DAAM2: variants seen among roughly 807,000 people sequenced by gnomAD.
DAAM2 encodes dishevelled associated activator of morphogenesis 2, also known as disheveled-associated activator of morphogenesis 2.
Under a neutral mutation model 120.7 loss-of-function variants are expected in DAAM2, and 39 were observed. That is an observed-to-expected ratio of 0.32 (90% CI 0.25 to 0.42). The LOEUF is 0.42. DAAM2 is among the 10% of genes least tolerant of loss of function. The pLI is 1.00. For synonymous variants in DAAM2, 488 were observed against 524.9 expected (o/e 0.93, Z 0.96); for missense variants, 1,283 against 1,401.7 (o/e 0.92, Z 1.35).
intron 1 of DAAM2, among the ~76,000 whole-genome samples, chr6:39,837,801 A>G (rs1763167906): frequency 6.6e-6 from 1 of 152,000 alleles, no homozygotes; most frequent in Non-Finnish European, 1.5e-5. Flanking sequence ...TATGGCCCCT[A>G]CAAAACCCCA....
At chr6:39,812,493 A>G (rs142613873) in intron 1 of DAAM2, among the ~76,000 whole-genome samples, 58 of 152,254 alleles carry the variant, frequency 3.8e-4, no homozygotes, top group African/African-American at 1.4e-3. Context: ...ACCGTACCCC[A>G]ATCATTTCAC....
At chr6:39,813,984 G>C (rs563128059) in intron 1 of DAAM2, among the ~76,000 whole-genome samples, 23 of 152,246 alleles carry the variant, frequency 1.5e-4, no homozygotes, top group African/African-American at 5.1e-4. Context: ...ACTGAGAACT[G>C]GGGGAAAGGG....
intron 2 of DAAM2, among the ~76,000 whole-genome samples, chr6:39,859,467 C>G (rs1764127845): frequency 6.6e-6 from 1 of 152,146 alleles, no homozygotes; most frequent in Non-Finnish European, 1.5e-5. Context: ...CTGCAAGAGT[C>G]TTTAGTTCCA....
Position 39,891,916 on chromosome 6 carries a change from G to A in DAAM2, c.2341+194G>A, listed in dbSNP as rs146739666. On this transcript the variant is annotated intron_variant, in intron 19 of 24. Transcript: ENST00000274867. ...TGCACTTGCTTATATTAGCACATGC[G>A]CCAACCTTGTGACATGTTCCTTATG... Among the ~76,000 whole-genome samples, 58 of 152,322 alleles carry A rather than the reference G, an allele frequency of 3.8e-4. No homozygotes were observed. In the East Asian group the frequency reaches 3.9e-3, roughly 10 times the overall value.
chr6:39,810,766 C>G (rs191801108), intron 1 of DAAM2, among the ~76,000 whole-genome samples: 3 of 152,338 alleles, frequency 2.0e-5, no homozygotes, highest in Non-Finnish European at 4.4e-5. Flanking sequence ...CCTCCCCTGC[C>G]TTTTCCTATT....
At chr6:39,886,166 G>A (rs1220951537) in intron 15 of DAAM2, 1 of 371,554 alleles carries the variant, frequency 2.7e-6, no homozygotes, top group Non-Finnish European at 4.8e-6. Flanking sequence ...GGGAGTGGTG[G>A]TCGCACTAGG....
chr6:39,839,154 G>C (rs1763225892), intron 1 of DAAM2, among the ~76,000 whole-genome samples: 1 of 152,032 alleles, frequency 6.6e-6, no homozygotes, highest in Non-Finnish European at 1.5e-5. Flanking sequence ...TTGCAGCCAG[G>C]CAGGAAAACC....
chr6:39,860,189 A>G (rs1258380248), intron 2 of DAAM2, among the ~76,000 whole-genome samples: 2 of 152,200 alleles, frequency 1.3e-5, no homozygotes, highest in Non-Finnish European at 2.9e-5. Context: ...TACCCCAAAT[A>G]TGACCTCATA....
In DAAM2 at chr6:39,856,246, G is replaced by C; in HGVS notation, c.-56-1G>C. The C allele has an allele frequency of 7.2e-7, 1 of 1,393,394 alleles. No individual in the cohort carries two copies. The allele number at this position is 1,393,394 out of a possible 1,614,324, so 86.3% of individuals were successfully genotyped here. A position where few individuals can be genotyped will look rare whatever the true frequency, so the allele number is the denominator to read the frequency against. ...ACCCTGTGTTCTCTCCTCTTGTCCA[G>C]ATCACAATGAGGACCTAGGGCATCT... On this transcript the variant is annotated splice_acceptor_variant, in intron 1 of 24. Transcript: ENST00000274867. LOFTEE classifies it low-confidence loss of function (5UTR_SPLICE).
Position 39,887,556 on chromosome 6 carries a change from G to A in DAAM2, c.2024G>A (p.Gly675Asp). Residue 675 changes from glycine (G) to aspartate (D), a missense_variant, in exon 16 of 25, where the codon GGC (glycine) becomes GAC (aspartate). Physicochemically the swap from Gly to Asp is moderately conservative, Grantham distance 94. Around this residue, in one of 3 missense-constraint regions of DAAM2, gnomAD observed 748 missense variants for 768.6 expected, o/e 0.97. Transcript: ENST00000274867. ...RKVKELSVID[G>D]RRAQNCIILL... The stretch of plus-strand genomic sequence containing the variant: ...GTCAAAGAGCTGTCGGTCATTGATG[G>A]CCGGAGGGCCCAAAACTGCATCATC... 6.2e-7 allele frequency: 1 copy of A among 1,613,790 alleles called. No individual in the cohort carries two copies. The highest frequency in any genetic ancestry group is 8.5e-7 in the Non-Finnish European group (1 of 1,179,754).
chr6:39,811,174 A>AGTGTGTGTGTGTGTGTGTGTGT (rs59432565), intron 1 of DAAM2, among the ~76,000 whole-genome samples: 4 of 146,462 alleles, frequency 2.7e-5, no homozygotes, highest in African/African-American at 1.0e-4. Flanking sequence ...AACTGAAGGG[A>AGTGTGTGTGTGTGTGTGTGTGT]GTGTGTGTGT....
intron 1 of DAAM2, among the ~76,000 whole-genome samples, chr6:39,841,766 A>G (rs1763349332): frequency 6.6e-6 from 1 of 152,108 alleles, no homozygotes; most frequent in Non-Finnish European, 1.5e-5. Context: ...GAGTCCATTC[A>G]AGGACTGTTC....
intron 1 of DAAM2, among the ~76,000 whole-genome samples, chr6:39,843,648 C>A (rs1396181408): frequency 1.3e-5 from 2 of 152,190 alleles, no homozygotes; most frequent in Non-Finnish European, 2.9e-5. Context: ...AGCTTTAAAC[C>A]AAGCGCAGGG....
chr6:39,856,785 C>G (rs569415789), intron 2 of DAAM2, among the ~76,000 whole-genome samples: 4 of 152,286 alleles, frequency 2.6e-5, no homozygotes, highest in African/African-American at 9.6e-5. Flanking sequence ...GGTGAGACAT[C>G]TCAAAGAACA....
intron 15 of DAAM2, chr6:39,884,445 G>A: frequency 5.6e-6 from 1 of 179,540 alleles, no homozygotes; most frequent in Non-Finnish European, 1.2e-5. Context: ...GACCCTTGCT[G>A]TCTTTGGCCC....
At chr6:39,813,877 G>T (rs1325741898) in intron 1 of DAAM2, among the ~76,000 whole-genome samples, 4 of 152,310 alleles carry the variant, frequency 2.6e-5, no homozygotes, top group African/African-American at 7.2e-5. Context: ...TTGTATTGTG[G>T]TTTTATCTTC....
At chr6:39,857,044 C>T (rs780711497) in intron 2 of DAAM2, among the ~76,000 whole-genome samples, 14 of 152,326 alleles carry the variant, frequency 9.2e-5, no homozygotes, top group South Asian at 2.1e-4. Flanking sequence ...CATTCACACC[C>T]GGACCAGCCT....
At chr6:39,874,206 A>G (rs1764779097) in intron 10 of DAAM2, among the ~76,000 whole-genome samples, 1 of 152,218 alleles carries the variant, frequency 6.6e-6, no homozygotes, top group African/African-American at 2.4e-5. Context: ...GCTCAGCGAG[A>G]TATTTACATA....
intron 1 of DAAM2, among the ~76,000 whole-genome samples, chr6:39,817,599 T>C (rs545722763): frequency 6.6e-6 from 1 of 152,270 alleles, no homozygotes; most frequent in Non-Finnish European, 1.5e-5. Context: ...CAATAGGATC[T>C]CTCTCTACAT....
Sources: allele counts gnomAD v4.1 joint callset (sites outside exome capture counted in the v4.1 genomes callset), GRCh38; gene constraint gnomAD v4.1.1; regional missense constraint gnomAD v4.1.1; transcripts MANE v1.5; gene names NCBI Gene and HGNC (gene_info 2026-07-23, HGNC 2026-07-21).